Variants in MYO5C observed in about 807,000 individuals in gnomAD.
MYO5C encodes the protein myosin VC, also known as unconventional myosin-Vc.
A neutral mutation model predicts 235.7 loss-of-function variants in MYO5C; 194 were observed. The observed-to-expected ratio is 0.82, with a 90% CI of 0.73 to 0.93. The LOEUF is 0.93. MYO5C is among the 40% of genes least tolerant of loss of function. MYO5C has a pLI of 0.00. For missense variants in MYO5C, 2,038 were observed against 2,127.2 expected (o/e 0.96, Z 0.82); for synonymous variants, 707 against 754.8 (o/e 0.94, Z 1.04).
rs1314407313 is a variant in MYO5C at position 52,225,117 on chromosome 15, T to C, written c.3323A>G (p.Lys1108Arg). 1.2e-6 allele frequency: 2 copies of C among 1,614,126 alleles called. No homozygotes were observed. Among genetic ancestry groups the C allele is most frequent in the Non-Finnish European group, 8.5e-7 (1 of 1,180,010 alleles). The change falls in exon 27 of 41, where the codon AAA becomes AGA. Residue 1108 changes from lysine to arginine, a missense_variant. Lys to Arg is a conservative substitution (Grantham distance 26). Coordinates refer to ENST00000261839, the MANE Select transcript of MYO5C (RefSeq NM_018728.4). ...AATGTCATAGCTTTCGAGAAGTTGT[T>C]TGGTGATCTCTGACATCTTTTCTGA... ...EMREKMSEIT[K>R]QLLESYDIED...
intron 16 of MYO5C, 73 bp from the exon 17 acceptor site, chr15:52,246,115 A>G: frequency 3.4e-6 from 4 of 1,174,872 alleles, no homozygotes. Context: ...GGCACAGCAG[A>G]CCTGGCTAGA....
chr15:52,264,535 C>A (rs2036762157), intron 8 of MYO5C, among the ~76,000 whole-genome samples: 1 of 152,202 alleles, frequency 6.6e-6, no homozygotes, highest in Non-Finnish European at 1.5e-5. Context: ...AAGTTCAACA[C>A]AAAAATTAAT....
At chr15:52,269,037 C>T (rs988575959) in intron 8 of MYO5C, among the ~76,000 whole-genome samples, 2 of 152,222 alleles carry the variant, frequency 1.3e-5, no homozygotes, top group Non-Finnish European at 2.9e-5. Context: ...GTGCCCAGCA[C>T]ATTGCAAGCT....
chr15:52,275,270 C>A lies in MYO5C; in HGVS notation c.606+292G>T, dbSNP rs542957444. 1.1e-4 allele frequency among the ~76,000 whole-genome samples: 17 copies of A among 152,342 alleles called. No homozygotes were observed. The South Asian group carries it at 2.7e-3, about 24-fold the overall frequency. ...GCTGGGTGGAGAACACCAGTGATTT[C>A]AGTGTACCAGTGATGTTTGGTTTCC... On this transcript the variant is annotated intron_variant, in intron 5 of 40. Transcript: ENST00000261839.
In MYO5C at chr15:52,264,199, G is replaced by A; in HGVS notation, c.1038C>T (p.Ser346=). ...VQITAVGNER[S]SVSEDDSHLK... is the part of the protein sequence containing the mutation. ...CAAATGAGCATCTCACACTAACTGAGGACCTCTCGTTGCCCACCGCGGTGA... is the reference window on the plus strand; with the variant it reads ...CAAATGAGCATCTCACACTAACTGAAGACCTCTCGTTGCCCACCGCGGTGA... Residue 346 remains serine, a synonymous_variant, in exon 9 of 41, where the codon TCC becomes TCT. Coordinates refer to ENST00000261839, the MANE Select transcript of MYO5C (RefSeq NM_018728.4). The A allele has an allele frequency of 1.9e-6, 3 of 1,611,068 alleles. No homozygotes were observed. Among genetic ancestry groups the A allele is most frequent in the African/African-American group, 1.3e-5 (1 of 74,926 alleles).
intron 2 of MYO5C, among the ~76,000 whole-genome samples, chr15:52,280,832 A>C (rs2037148382): frequency 6.6e-6 from 1 of 152,222 alleles, no homozygotes; most frequent in Non-Finnish European, 1.5e-5. Flanking sequence ...TCACACAGTT[A>C]ATCTGAGCCT....
At position 52,221,211 on chromosome 15, in the gene MYO5C, C is replaced by T. The variant is rs776852215; in HGVS notation, c.3672G>A (p.Gln1224=). ...TCAGGCGGATTTCAAGATCTTGCTT[C>T]TGTTTCTCCAATTCTGAAATTTGCT... ...FKQQISELEK[Q]KQDLEIRLNE... The change falls in exon 30 of 41, where the codon CAG becomes CAA. Residue 1224 remains glutamine, a synonymous_variant. Coordinates refer to ENST00000261839, the MANE Select transcript of MYO5C (RefSeq NM_018728.4). 1 of 1,613,286 alleles carries T rather than the reference C, an allele frequency of 6.2e-7. No individual in the cohort carries two copies. The highest frequency in any genetic ancestry group is 1.1e-5 in the South Asian group (1 of 90,910).
rs1048793764 is a variant in MYO5C, at chr15:52,209,258, G to A, written c.4297-615C>T. Reference sequence around the variant, plus strand: ...AAGGGAGGAAGCTTTCAAGGAGATGGTGCTAATGCTTTGGTCAATTTAGAG... The same window carrying A: ...AAGGGAGGAAGCTTTCAAGGAGATGATGCTAATGCTTTGGTCAATTTAGAG... On this transcript the variant is annotated intron_variant, in intron 35 of 40. Coordinates refer to ENST00000261839, the MANE Select transcript of MYO5C (RefSeq NM_018728.4). 2.0e-5 allele frequency among the ~76,000 whole-genome samples: 3 copies of A among 152,158 alleles called. No homozygotes were observed. The South Asian group carries it at 6.2e-4, about 32-fold the overall frequency.
intron 22 of MYO5C, chr15:52,236,927 C>T (rs1263601342): frequency 6.6e-6 from 1 of 152,232 alleles, no homozygotes; most frequent in Non-Finnish European, 1.5e-5. Context: ...ATTCTCACAA[C>T]AATTCTGTCA....
intron 31 of MYO5C, 33 bp downstream of exon 31, chr15:52,219,726 A>G (rs2035634459): frequency 3.2e-6 from 5 of 1,550,120 alleles, no homozygotes; most frequent in Non-Finnish European, 4.4e-6. Flanking sequence ...TTACACGAGC[A>G]TGAACTTGAG....
chr15:52,196,511 A>C, intron 38 of MYO5C, 28 bp from the exon 39 acceptor site: 1 of 1,601,028 alleles, frequency 6.2e-7, no homozygotes, highest in Non-Finnish European at 8.5e-7. Context: ...AGAACAGAGA[A>C]TACTTTAGGG....
intron 32 of MYO5C, 69 bp from the exon 33 acceptor site, chr15:52,214,759 A>G: frequency 1.1e-6 from 1 of 903,732 alleles, no homozygotes; most frequent in Non-Finnish European, 1.6e-6. Context: ...TTTTTTGGGT[A>G]ACAGCTTTAT....
rs575085586 is a variant in MYO5C, at chr15:52,279,415, G to A, written c.304+94C>T. On this transcript the variant is annotated intron_variant, in intron 3 of 40. Transcript: ENST00000261839. ...ACACTTCTTTTTACAACAAACTCTGGGTGCTCAGTATAAACATAAAACAAC... is the reference window on the plus strand; with the variant it reads ...ACACTTCTTTTTACAACAAACTCTGAGTGCTCAGTATAAACATAAAACAAC... The A allele has an allele frequency of 1.7e-5, 22 of 1,295,680 alleles. No individual in the cohort carries two copies. The South Asian group carries it at 3.0e-4, about 17-fold the overall frequency. 80.3% of individuals were successfully genotyped at this position (1,295,680 alleles called of 1,614,324 possible). A position where few individuals can be genotyped will look rare whatever the true frequency, so the allele number is the denominator to read the frequency against.
intron 2 of MYO5C, 28 bp downstream of exon 2, chr15:52,282,754 C>T (rs569844631): frequency 9.6e-6 from 14 of 1,459,552 alleles, no homozygotes; most frequent in African/African-American, 4.2e-5. Flanking sequence ...TACACATCGA[C>T]GTAGCTGTGA....
At chr15:52,248,895 T>C (rs2036411091) in intron 13 of MYO5C, 112 bp from the exon 14 acceptor site, 3 of 746,848 alleles carry the variant, frequency 4.0e-6, no homozygotes, top group African/African-American at 1.8e-5. Context: ...ACAGAGGCAA[T>C]CTTACAAAAA....
intron 38 of MYO5C, among the ~76,000 whole-genome samples, chr15:52,203,055 A>C (rs1387637205): frequency 6.6e-6 from 1 of 151,336 alleles, no homozygotes; most frequent in Admixed American, 6.6e-5. Context: ...TGAGTAGCTG[A>C]GATTACAGGT....
intron 35 of MYO5C, 32 bp from the exon 36 acceptor site, chr15:52,208,675 TTGA>T (rs1273345748): frequency 6.3e-7 from 1 of 1,585,474 alleles, no homozygotes; most frequent in African/African-American, 1.3e-5. Flanking sequence ...AAAATTGGTC[TTGA>T]TGATTACTTG....
Position 52,269,811 on chromosome 15 carries a change from A to C in MYO5C, c.882T>G (p.Ile294Met), listed in dbSNP as rs750885717. 2 of 1,613,742 alleles carry C rather than the reference A, an allele frequency of 1.2e-6. No individual in the cohort carries two copies. The highest frequency in any genetic ancestry group is 1.7e-6 in the Non-Finnish European group (2 of 1,179,874). Residue 294 changes from isoleucine (I) to methionine (M), a missense_variant, in exon 8 of 41, where the codon ATT becomes ATG. By Grantham distance (10) the Ile-to-Met change is conservative (BLOSUM62 1). Transcript: ENST00000261839. ...NYTRMGGNTVIEGVNDRAEMV... is the reference protein window; with the variant it reads ...NYTRMGGNTVMEGVNDRAEMV... ...TTTCAGCTCGATCATTCACACCCTC[A>C]ATGACAGTATTGCCTCCCATTCTTG...
intron 24 of MYO5C, 67 bp downstream of exon 24, chr15:52,232,555 G>T: frequency 1.4e-6 from 2 of 1,480,642 alleles, no homozygotes; most frequent in Non-Finnish European, 1.9e-6. Flanking sequence ...TGCAAACTGA[G>T]ATGGAAAATA....
Sources: gnomAD v4.1 joint callset for allele counts (sites outside exome capture counted in the v4.1 genomes callset) on GRCh38, gnomAD v4.1.1 for gene constraint, MANE v1.5 for transcripts, NCBI Gene and HGNC (gene_info 2026-07-23, HGNC 2026-07-21) for gene names.